The following RGS3 variants were observed in gnomAD, a reference collection of about 807,000 sequenced individuals.
RGS3 encodes the protein regulator of G protein signaling 3.
In RGS3, 80 loss-of-function variants were observed where a neutral mutation model predicts 132.6. The observed-to-expected ratio is 0.60, with a 90% confidence interval of 0.50 to 0.73. The LOEUF (loss-of-function observed/expected upper bound fraction) is 0.73. Ranked by LOEUF, RGS3 falls within the 30% of genes least tolerant of loss-of-function variation. The pLI is 0.00. For missense variants in RGS3, 1,382 were observed against 1,530.8 expected (o/e 0.90, Z 1.62); for synonymous variants, 598 against 620.6 (o/e 0.96, Z 0.54).
exon 19 of RGS3, chr9:113,536,811 T>C (rs1335638408): frequency 6.2e-7 from 1 of 1,614,092 alleles, no homozygotes; most frequent in Non-Finnish European, 8.5e-7. Context: ...AGAGTGCTTA[T>C]TCACTTTGGA....
At chr9:113,488,567 C>T (rs531453749) in intron 7 of RGS3, among the ~76,000 whole-genome samples, 1 of 152,330 alleles carries the variant, frequency 6.6e-6, no homozygotes, top group African/African-American at 2.4e-5. Flanking sequence ...TGGAGGCAGA[C>T]ACCAAACTGC....
intron 19 of RGS3, among the ~76,000 whole-genome samples, chr9:113,563,784 T>C (rs1480801559): frequency 6.6e-6 from 1 of 152,176 alleles, no homozygotes; most frequent in African/African-American, 2.4e-5. Flanking sequence ...TGCATGTATA[T>C]GCTTGTGTAT....
At chr9:113,484,003 A>G in intron 5 of RGS3, 135 bp from the exon 4 acceptor site, 1 of 549,816 alleles carries the variant, frequency 1.8e-6, no homozygotes, top group South Asian at 2.5e-5. Context: ...CTGACAGGGG[A>G]CTCTATTCTG....
intron 1 of RGS3, among the ~76,000 whole-genome samples, chr9:113,447,043 C>T (rs1444612269): frequency 3.3e-5 from 5 of 151,534 alleles, no homozygotes; most frequent in East Asian, 1.9e-4. Context: ...GGGTGGATCA[C>T]GAGGTCAGGA....
chr9:113,566,341 C>T (rs755597203), intron 19 of RGS3, among the ~76,000 whole-genome samples: 1 of 152,244 alleles, frequency 6.6e-6, no homozygotes, highest in African/African-American at 2.4e-5. Flanking sequence ...ACCCATCAGG[C>T]AGGGGGTGGT....
At chr9:113,460,966 G>A (rs1342597758) in intron 1 of RGS3, among the ~76,000 whole-genome samples, 1 of 152,016 alleles carries the variant, frequency 6.6e-6, no homozygotes. Flanking sequence ...TATGCATATG[G>A]TATATATGTA....
At chr9:113,534,121 A>T (rs1463831172) in intron 18 of RGS3, among the ~76,000 whole-genome samples, 1 of 152,204 alleles carries the variant, frequency 6.6e-6, no homozygotes, top group African/African-American at 2.4e-5. Context: ...GTTGGGTTGG[A>T]TGCAGGGTAG....
At chr9:113,513,792 T>C (rs1227172999) in intron 14 of RGS3, among the ~76,000 whole-genome samples, 2 of 152,170 alleles carry the variant, frequency 1.3e-5, no homozygotes, top group Non-Finnish European at 1.5e-5. Flanking sequence ...CTCCTTATTC[T>C]AGACTGACTG....
chr9:113,584,323 G>A lies in RGS3; in HGVS notation c.2911G>A (p.Ala971Thr), dbSNP rs145465954. ...GCACTGCTCAGACGGTGAGGGCGCCGCCTCCACCTGGGGCATGCCTTCGCC... is the reference window on the plus strand; with the variant it reads ...GCACTGCTCAGACGGTGAGGGCGCCACCTCCACCTGGGGCATGCCTTCGCC... Residue 971 changes from alanine (A) to threonine (T), a missense_variant, in exon 20 of 25, where the codon GCC (alanine) becomes ACC (threonine). Transcript: ENST00000350696. The A allele has an allele frequency of 5.4e-5, 87 of 1,600,530 alleles. 1 individual carries two copies. The Admixed American group carries it at 7.6e-4, about 14-fold the overall frequency.
rs567505520 is a variant in RGS3 at position 113,507,329 on chromosome 9, C to T, written c.1128C>T (p.Val376=). ...TCATCCTACTCGTGTGGCGCATGGT[C>T]CCCCAGGTCAAGCCAGGACCAGATG... Residue 376 remains valine (V), a synonymous_variant, in exon 13 of 25, where the codon GTC becomes GTT. Transcript: ENST00000350696. This position sits in a 1 kb window ranked among gnomAD's most constrained non-coding sequence, Gnocchi z 5.0. 6.2e-6 allele frequency: 10 copies of T among 1,613,854 alleles called. No individual in the cohort carries two copies. The highest frequency in any genetic ancestry group is 1.7e-5 in the Admixed American group (1 of 60,030).
At chr9:113,485,828 G>A (rs931470820) in intron 7 of RGS3, 135 bp downstream of exon 5, 4 of 628,972 alleles carry the variant, frequency 6.4e-6, no homozygotes, top group African/African-American at 5.5e-5. Flanking sequence ...AAATTGCAGA[G>A]GCTGCCCCTC....
intron 19 of RGS3, among the ~76,000 whole-genome samples, chr9:113,567,589 T>C (rs556954187): frequency 6.6e-6 from 1 of 152,264 alleles, no homozygotes; most frequent in South Asian, 2.1e-4. Context: ...GTTGCATCCA[T>C]AGGGCCAAGG....
chr9:113,554,793 T>A (rs1385726485), intron 19 of RGS3, among the ~76,000 whole-genome samples: 4 of 152,232 alleles, frequency 2.6e-5, no homozygotes, highest in African/African-American at 9.6e-5. Context: ...CTTCTAACTT[T>A]ATAGTATCTT....
At chr9:113,491,743 A>G (rs1237614092) in intron 7 of RGS3, among the ~76,000 whole-genome samples, 1 of 148,948 alleles carries the variant, frequency 6.7e-6, no homozygotes, top group Non-Finnish European at 1.5e-5. Flanking sequence ...TAGTAGAGAC[A>G]GGGTTTCACC....
chr9:113,565,125 G>GGCCCCA lies in RGS3; in HGVS notation c.2038-18321_2038-18320insCAGCCC, dbSNP rs1833936410. ...GGAGCAGCACTTTGGGGCCAGCTTG[G>GGCCCCA]GCCCTGGGGATGAGCCACAGGGGAC... On this transcript the variant is annotated intron_variant, in intron 19 of 24. Coordinates refer to ENST00000350696, the Ensembl canonical transcript of RGS3. This position sits in a 1 kb window ranked among gnomAD's most constrained non-coding sequence, Gnocchi z 5.7. 8.5e-7 allele frequency: 1 copy of GGCCCCA among 1,175,704 alleles called. No homozygotes were observed. The highest frequency in any genetic ancestry group is 1.6e-5 in the South Asian group (1 of 61,660). The allele number at this position is 1,175,704 out of a possible 1,614,324, so 72.8% of individuals were successfully genotyped here.
intron 10 of RGS3, among the ~76,000 whole-genome samples, chr9:113,501,866 C>A (rs1466562917): frequency 2.0e-5 from 3 of 152,174 alleles, no homozygotes; most frequent in Admixed American, 1.3e-4. Flanking sequence ...GTGAGATAAT[C>A]CAGCTAGCTT....
At position 113,507,434 on chromosome 9, in the gene RGS3, C is replaced by T. The variant is rs1831181351; in HGVS notation, c.1233C>T (p.Thr411=). Residue 411 remains threonine (T), a synonymous_variant, in exon 13 of 25, where the codon ACC becomes ACT. Coordinates refer to ENST00000350696, the Ensembl canonical transcript of RGS3. This position sits in a 1 kb window ranked among gnomAD's most constrained non-coding sequence, Gnocchi z 5.0. ...CCAACAAACGGGAGAAGAACTGCAC[C>T]CATGGGGTCCAGGCACGGCCTGAGC... The T allele has an allele frequency of 8.1e-6, 13 of 1,613,836 alleles. No homozygotes were observed. The highest frequency in any genetic ancestry group is 2.7e-5 in the African/African-American group (2 of 74,960).
rs1258839344 is a variant in RGS3, at chr9:113,579,932, A to G, written c.2038-3518A>G. Among the ~76,000 whole-genome samples, 3 of 152,000 alleles carry G rather than the reference A, an allele frequency of 2.0e-5. No homozygotes were observed. In the East Asian group the frequency reaches 5.8e-4, roughly 29 times the overall value. On this transcript the variant is annotated intron_variant, in intron 19 of 24. Transcript: ENST00000350696. This position sits in a 1 kb window ranked among gnomAD's most constrained non-coding sequence, Gnocchi z 4.3. ...TCACAGGGCAAATCCCATGCCCACC[A>G]TGTGTTCTGCAACCTCCCCCTCATC...
At chr9:113,586,835 A>T (rs998668833) in intron 20 of RGS3, among the ~76,000 whole-genome samples, 3 of 152,218 alleles carry the variant, frequency 2.0e-5, no homozygotes, top group Admixed American at 6.5e-5. Context: ...TGAAATGGGT[A>T]TGGTAATAAT....
Sources: allele counts gnomAD v4.1 joint callset (sites outside exome capture counted in the v4.1 genomes callset), GRCh38; gene constraint gnomAD v4.1.1; non-coding constraint Gnocchi (gnomAD v3.1); transcripts MANE v1.5; gene names NCBI Gene and HGNC (gene_info 2026-07-23, HGNC 2026-07-21).